SPECC1: variants seen among roughly 807,000 people sequenced by gnomAD.
SPECC1 encodes cytospin-B.
In SPECC1, 62 loss-of-function variants were observed where a neutral mutation model predicts 104.1. The observed-to-expected ratio is 0.60, with a 90% CI of 0.49 to 0.74. The LOEUF is 0.74. SPECC1 is among the 30% of genes least tolerant of loss of function. The pLI is 0.00. For missense variants in SPECC1, 1,306 were observed against 1,310.5 expected (o/e 1.00, Z 0.05); for synonymous variants, 513 against 501.6 (o/e 1.02, Z -0.30).
At chr17:20,305,277 G>A (rs567887648) in intron 13 of SPECC1, among the ~76,000 whole-genome samples, 1 of 152,294 alleles carries the variant, frequency 6.6e-6, no homozygotes, top group African/African-American at 2.4e-5. Context: ...ACTTGACCAG[G>A]TGGAGGGAAG....
intron 3 of SPECC1, among the ~76,000 whole-genome samples, chr17:20,168,967 G>A (rs942926903): frequency 6.6e-6 from 1 of 152,082 alleles, no homozygotes; most frequent in African/African-American, 2.4e-5. Context: ...GTGCCTTCCA[G>A]GCCCAGGCAA....
intron 2 of SPECC1, among the ~76,000 whole-genome samples, chr17:20,107,177 AAAAC>A (rs1358100927): frequency 1.3e-5 from 2 of 150,696 alleles, no homozygotes; most frequent in African/African-American, 2.4e-5. Context: ...AAAGAAAAGA[AAAAC>A]AAAAGAAAAT....
chr17:20,171,515 C>CT (rs1280572202), intron 3 of SPECC1, among the ~76,000 whole-genome samples: 1 of 152,024 alleles, frequency 6.6e-6, no homozygotes, highest in Non-Finnish European at 1.5e-5. Flanking sequence ...ACAAACATGC[C>CT]TTTTTCATTT....
At chr17:20,110,235 C>T (rs761813961) in intron 2 of SPECC1, among the ~76,000 whole-genome samples, 192 bp from the exon 3 acceptor site, 3 of 152,182 alleles carry the variant, frequency 2.0e-5, no homozygotes, top group Non-Finnish European at 4.4e-5. Context: ...AGATCATACT[C>T]GGACCTGTTA....
intron 1 of SPECC1, among the ~76,000 whole-genome samples, chr17:20,066,378 T>G (rs1314827297): frequency 6.6e-6 from 1 of 152,192 alleles, no homozygotes; most frequent in Non-Finnish European, 1.5e-5. Flanking sequence ...GGCTAGCATT[T>G]AGGAATTCTT....
intron 3 of SPECC1, among the ~76,000 whole-genome samples, chr17:20,162,606 T>G (rs1567891146): frequency 6.6e-6 from 1 of 152,248 alleles, no homozygotes; most frequent in Non-Finnish European, 1.5e-5. Flanking sequence ...TAGCTGTTAA[T>G]TCTTCTTAAC....
chr17:20,227,452 C>T lies in SPECC1; in HGVS notation c.1903C>T (p.His635Tyr), dbSNP rs772452793. Residue 635 changes from histidine to tyrosine, a missense_variant, in exon 5 of 15, where the codon CAC becomes TAC. By Grantham distance (83) the His-to-Tyr change is moderately conservative. This residue lies in a region of SPECC1 where 1,177 missense variants were observed against 1,139.9 expected (regional missense o/e 1.03). Transcript: ENST00000395527. ...TTCATACCTGAAGGAGATATGTGATCACCAAGCCGAACAGCTGAGCAGAAC... is the reference window on the plus strand; with the variant it reads ...TTCATACCTGAAGGAGATATGTGATTACCAAGCCGAACAGCTGAGCAGAAC... Reference protein sequence around the residue: ...DYSYLKEICDHQAEQLSRTSL... With the variant: ...DYSYLKEICDYQAEQLSRTSL... 2.5e-6 allele frequency: 4 copies of T among 1,613,514 alleles called. No individual in the cohort carries two copies. Among genetic ancestry groups the T allele is most frequent in the Non-Finnish European group, 3.4e-6 (4 of 1,179,836 alleles).
chr17:20,131,627 T>TTCAGTCTTC (rs1275240006), intron 3 of SPECC1, among the ~76,000 whole-genome samples: 2 of 151,644 alleles, frequency 1.3e-5, no homozygotes, highest in South Asian at 4.2e-4. Flanking sequence ...GTGGAAAGCA[T>TTCAGTCTTC]TCAGTCTTCT....
intron 1 of SPECC1, among the ~76,000 whole-genome samples, chr17:20,091,913 G>A (rs962866477): frequency 2.0e-5 from 3 of 152,180 alleles, no homozygotes; most frequent in African/African-American, 7.2e-5. Context: ...TGAGGCCCGA[G>A]ATAACCTCTC....
intron 1 of SPECC1, among the ~76,000 whole-genome samples, chr17:20,085,917 G>T (rs551188437): frequency 2.6e-4 from 39 of 152,362 alleles, no homozygotes; most frequent in Admixed American, 9.8e-4. Context: ...CGATGATCCA[G>T]GTTTTGTTCC....
intron 3 of SPECC1, among the ~76,000 whole-genome samples, chr17:20,147,487 T>A (rs1414163767): frequency 6.6e-6 from 1 of 152,208 alleles, no homozygotes; most frequent in Non-Finnish European, 1.5e-5. Flanking sequence ...GTGTGTTTTT[T>A]AAAGAGTTCT....
intron 7 of SPECC1, chr17:20,239,248 A>G (rs923562264): frequency 9.9e-7 from 1 of 1,014,094 alleles, no homozygotes; most frequent in Non-Finnish European, 1.2e-6. Flanking sequence ...ATTATGAAGT[A>G]TTATTTAGGT....
intron 4 of SPECC1, among the ~76,000 whole-genome samples, chr17:20,212,362 A>G (rs1006411287): frequency 6.6e-6 from 1 of 152,202 alleles, no homozygotes; most frequent in African/African-American, 2.4e-5. Context: ...CATGCTGCTG[A>G]TAAAGACATA....
At chr17:20,261,955 T>C (rs944633580) in intron 12 of SPECC1, among the ~76,000 whole-genome samples, 3 of 152,244 alleles carry the variant, frequency 2.0e-5, no homozygotes, top group African/African-American at 7.2e-5. Flanking sequence ...CTCCCTAAGA[T>C]AACCATTGTC....
intron 14 of SPECC1, among the ~76,000 whole-genome samples, chr17:20,312,254 G>A (rs1214166895): frequency 6.6e-6 from 1 of 152,002 alleles, no homozygotes; most frequent in Non-Finnish European, 1.5e-5. Flanking sequence ...TCTTTTGGAG[G>A]GTCTTAACTA....
intron 13 of SPECC1, among the ~76,000 whole-genome samples, chr17:20,298,978 G>GTGTGTGTGTGTGT (rs747414391): frequency 6.1e-3 from 181 of 29,438 alleles, no homozygotes; most frequent in African/African-American, 0.03. Context: ...TGTGTATGTA[G>GTGTGTGTGTGTGT]AGAGAGAGAG....
intron 1 of SPECC1, among the ~76,000 whole-genome samples, chr17:20,023,930 T>G (rs2044499071): frequency 6.6e-6 from 1 of 152,130 alleles, no homozygotes; most frequent in Non-Finnish European, 1.5e-5. Context: ...AAGAACAGTA[T>G]AAGCCCGTAG....
intron 3 of SPECC1, among the ~76,000 whole-genome samples, chr17:20,146,509 A>G (rs573774727): frequency 6.6e-6 from 1 of 152,324 alleles, no homozygotes; most frequent in Admixed American, 6.5e-5. Flanking sequence ...ACTGCTATAA[A>G]CATTCATGTG....
intron 3 of SPECC1, among the ~76,000 whole-genome samples, chr17:20,126,830 TCTC>T (rs1173698129): frequency 2.0e-5 from 3 of 152,366 alleles, no homozygotes; most frequent in South Asian, 2.1e-4. Flanking sequence ...TGTTAAGTCT[TCTC>T]CTCCTATATT....
Sources: gnomAD v4.1 joint callset for allele counts (sites outside exome capture counted in the v4.1 genomes callset) on GRCh38, gnomAD v4.1.1 for gene constraint, gnomAD v4.1.1 regional missense constraint, MANE v1.5 for transcripts, NCBI Gene and HGNC (gene_info 2026-07-23, HGNC 2026-07-21) for gene names.